Variants in SYCP2L observed in about 807,000 individuals in gnomAD.
The protein encoded by SYCP2L is synaptonemal complex protein 2 like.
In SYCP2L, 98 loss-of-function variants were observed where a neutral mutation model predicts 125.8. The observed-to-expected ratio is 0.78, with a 90% CI of 0.66 to 0.92. The LOEUF is 0.92. Ranked by LOEUF, SYCP2L falls within the 40% of genes least tolerant of loss-of-function variation. SYCP2L has a pLI of 0.00. For missense variants in SYCP2L, 842 were observed against 936.4 expected (o/e 0.90, Z 1.32); for synonymous variants, 317 against 325.4 (o/e 0.97, Z 0.28).
intron 6 of SYCP2L, among the ~76,000 whole-genome samples, chr6:10,902,327 T>A (rs1259347016): frequency 6.6e-6 from 1 of 152,178 alleles, no homozygotes; most frequent in African/African-American, 2.4e-5. Context: ...TCTCAAGTTC[T>A]TCTTAGAAGA....
At chr6:10,941,519 A>G (rs1406893941) in intron 21 of SYCP2L, among the ~76,000 whole-genome samples, 1 of 152,240 alleles carries the variant, frequency 6.6e-6, no homozygotes, top group South Asian at 2.1e-4. Context: ...AAAAGAAGAC[A>G]TTTATGCAGC....
chr6:10,956,388 G>C (rs1230219752), intron 25 of SYCP2L, 146 bp downstream of exon 25: 1 of 619,828 alleles, frequency 1.6e-6, no homozygotes, highest in African/African-American at 1.9e-5. Context: ...GGAGAAGGGT[G>C]GTTACCAGGG....
chr6:10,968,007 T>C (rs77138068), intron 29 of SYCP2L, among the ~76,000 whole-genome samples: 2,343 of 152,232 alleles, frequency 0.015, 21 homozygotes, highest in Middle Eastern at 0.041. Flanking sequence ...TCAGGAGTTG[T>C]TAGAGTGATG....
chr6:10,960,850 C>T (rs933159566), intron 26 of SYCP2L, among the ~76,000 whole-genome samples: 5 of 152,118 alleles, frequency 3.3e-5, no homozygotes, highest in South Asian at 4.2e-4. Context: ...CTGAGGCAGG[C>T]GGATCACCTG....
intron 29 of SYCP2L, among the ~76,000 whole-genome samples, chr6:10,972,717 G>A (rs1281674351): frequency 1.3e-5 from 2 of 152,104 alleles, no homozygotes; most frequent in African/African-American, 4.8e-5. Flanking sequence ...ATTTTGAGAT[G>A]AGGCCTTGCT....
Position 10,927,236 on chromosome 6 carries a change from A to G in SYCP2L, c.1313-4A>G, listed in dbSNP as rs770638323. On this transcript the variant is annotated splice_polypyrimidine_tract_variant and splice_region_variant and intron_variant, in intron 16 of 29. Transcript: ENST00000283141. ...TATATTAGTCTTTTTCTTAATTTGT[A>G]TAGAGCAGGCAGAAGAATCCACTAA... is the stretch of plus-strand genomic sequence containing the variant. The G allele has an allele frequency of 1.3e-5, 21 of 1,613,874 alleles. No individual in the cohort carries two copies. In the East Asian group the frequency reaches 4.5e-4, roughly 34 times the overall value.
At chr6:10,972,239 T>C (rs1369577445) in intron 29 of SYCP2L, among the ~76,000 whole-genome samples, 4 of 152,200 alleles carry the variant, frequency 2.6e-5, no homozygotes, top group Admixed American at 2.6e-4. Context: ...ACTGTTTTCT[T>C]TTGAGGAAAT....
chr6:10,910,996 C>T, intron 12 of SYCP2L, 127 bp downstream of exon 12: 1 of 946,734 alleles, frequency 1.1e-6, no homozygotes, highest in South Asian at 1.4e-5. Flanking sequence ...ATGCCAACGT[C>T]TTCTAATGAC....
At chr6:10,948,975 T>A (rs1581840299) in intron 23 of SYCP2L, among the ~76,000 whole-genome samples, 1 of 152,142 alleles carries the variant, frequency 6.6e-6, no homozygotes, top group African/African-American at 2.4e-5. Context: ...TCTTAATGTT[T>A]AATTTTAATC....
Position 10,928,464 on chromosome 6 carries a change from G to A in SYCP2L, c.1488+14G>A. 6.3e-7 allele frequency: 1 copy of A among 1,577,970 alleles called. No homozygotes were observed. Among genetic ancestry groups the A allele is most frequent in the Non-Finnish European group, 8.6e-7 (1 of 1,164,388 alleles). ...CCGCAACAACCTGTGAGTACAGGGA[G>A]TGGGGCTCAAGTTTCTTATCTGTCT... On this transcript the variant is annotated intron_variant, in intron 18 of 29. Coordinates refer to ENST00000283141, the MANE Select transcript of SYCP2L (RefSeq NM_001040274.3).
intron 19 of SYCP2L, 127 bp from the exon 20 acceptor site, chr6:10,931,313 A>C (rs1489790833): frequency 1.2e-6 from 1 of 840,842 alleles, no homozygotes; most frequent in African/African-American, 1.7e-5. Context: ...TCTTAAGAGT[A>C]GACATTTCTG....
Position 10,934,754 on chromosome 6 carries a change from A to G in SYCP2L, c.1684-304A>G, listed in dbSNP as rs150905427. Among the ~76,000 whole-genome samples, 696 of 152,336 alleles carry G rather than the reference A, an allele frequency of 4.6e-3. 2 individuals carry two copies. The highest frequency in any genetic ancestry group is 5.9e-3 in the Non-Finnish European group (400 of 68,030). On this transcript the variant is annotated intron_variant, in intron 20 of 29. Coordinates refer to ENST00000283141, the MANE Select transcript of SYCP2L (RefSeq NM_001040274.3). ...ACTGTGAAAACCAGAGTCTGGGATC[A>G]GGTGCCAGCCTTTCTCTTTTTACCT... is the stretch of plus-strand genomic sequence containing the variant.
intron 4 of SYCP2L, 93 bp downstream of exon 4, chr6:10,894,297 C>A: frequency 7.0e-7 from 1 of 1,435,570 alleles, no homozygotes; most frequent in Non-Finnish European, 9.5e-7. Flanking sequence ...TTTTCTGTTC[C>A]TTTGAAATCC....
At chr6:10,915,582 G>A (rs1422861128) in intron 14 of SYCP2L, among the ~76,000 whole-genome samples, 1 of 152,178 alleles carries the variant, frequency 6.6e-6, no homozygotes. Flanking sequence ...AGATGATCAT[G>A]TGATTTTTGT....
At chr6:10,892,837 C>T (rs1780195164) in intron 2 of SYCP2L, among the ~76,000 whole-genome samples, 1 of 152,118 alleles carries the variant, frequency 6.6e-6, no homozygotes, top group Non-Finnish European at 1.5e-5. Flanking sequence ...ATTTTAAATG[C>T]TGTTTTCCCT....
At chr6:10,918,757 A>G (rs1188166380) in intron 14 of SYCP2L, among the ~76,000 whole-genome samples, 1 of 152,020 alleles carries the variant, frequency 6.6e-6, no homozygotes, top group East Asian at 1.9e-4. Flanking sequence ...GATGGTCTCA[A>G]TCTCCTGACC....
intron 14 of SYCP2L, among the ~76,000 whole-genome samples, chr6:10,913,687 T>C (rs1328729397): frequency 6.6e-6 from 1 of 152,210 alleles, no homozygotes; most frequent in Non-Finnish European, 1.5e-5. Flanking sequence ...CTCTGCTGAC[T>C]GTTCCTTTTG....
At chr6:10,935,267 T>C in intron 21 of SYCP2L, 80 bp downstream of exon 21, 7 of 1,383,766 alleles carry the variant, frequency 5.1e-6, no homozygotes, top group Non-Finnish European at 7.0e-6. Flanking sequence ...AACATTTTTA[T>C]TTTAATATCT....
Position 10,941,456 on chromosome 6 carries a change from GAA to G in SYCP2L, c.1814-997_1814-996del, listed in dbSNP as rs985414546. Among the ~76,000 whole-genome samples, 136 of 152,026 alleles carry G rather than the reference GAA, an allele frequency of 8.9e-4. 1 individual carries two copies. The highest frequency in any genetic ancestry group is 3.1e-3 in the African/African-American group (127 of 41,466). The stretch of plus-strand genomic sequence containing the variant: ...ACAAAGAACTCAAACAAATTTACAA[GAA>G]AAAAACAACCCCATCCAAAAGTGGG... On this transcript the variant is annotated intron_variant, in intron 21 of 29. Coordinates refer to ENST00000283141, the MANE Select transcript of SYCP2L (RefSeq NM_001040274.3).
Sources: gnomAD v4.1 joint callset for allele counts (sites outside exome capture counted in the v4.1 genomes callset) on GRCh38, gnomAD v4.1.1 for gene constraint, MANE v1.5 for transcripts, NCBI Gene and HGNC (gene_info 2026-07-23, HGNC 2026-07-21) for gene names.